The following CXCL12 variants were observed in gnomAD, a reference collection of about 807,000 sequenced individuals.
The protein encoded by CXCL12 is stromal cell-derived factor 1.
CXCL12 carries 4 observed loss-of-function variants against 10.7 expected under a neutral mutation model. The observed-to-expected ratio is 0.37, with a 90% CI of 0.18 to 0.86. The LOEUF is 0.86. Ranked by LOEUF, CXCL12 falls within the 40% of genes least tolerant of loss-of-function variation. The probability of loss-of-function intolerance (pLI) is 0.43; values close to 1 mark genes in which losing one functional copy is unlikely to be tolerated. For synonymous variants in CXCL12, 54 were observed against 45.4 expected, an observed-to-expected ratio of 1.19 and a Z score of -0.77; for missense variants, 122 against 110.4, an observed-to-expected ratio of 1.10 and a Z score of -0.47.
chr10:44,381,325 C>T (rs1310616906), intron 1 of CXCL12, among the ~76,000 whole-genome samples: 1 of 152,238 alleles, frequency 6.6e-6, no homozygotes, highest in Non-Finnish European at 1.5e-5. Flanking sequence ...GCTCCCTGGC[C>T]TCTCTCCTCT....
chr10:44,384,556 T>G (rs1564465133), intron 1 of CXCL12, among the ~76,000 whole-genome samples: 1 of 152,160 alleles, frequency 6.6e-6, no homozygotes, highest in Non-Finnish European at 1.5e-5. Flanking sequence ...CGGAGCCCAT[T>G]CGCCTGTGGA....
At chr10:44,371,752 CTT>C (rs1304030442), downstream of CXCL12, 1 of 152,280 alleles carries the variant, frequency 6.6e-6, no homozygotes, top group East Asian at 1.9e-4. Context: ...CTTGCTTTGA[CTT>C]CCTTGTTTTC....
At chr10:44,378,771 G>A (rs767391179) in intron 2 of CXCL12, 48 bp from the exon 3 acceptor site, 41 of 1,595,012 alleles carry the variant, frequency 2.6e-5, no homozygotes, top group Admixed American at 5.0e-5. Context: ...GGAGGAAGGC[G>A]CGGCTGCAAC....
chr10:44,378,394 C>A lies in CXCL12; in HGVS notation c.*239G>T. The A allele has an allele frequency of 6.5e-7, 1 of 1,545,924 alleles. No homozygotes were observed. Among genetic ancestry groups the A allele is most frequent in the Non-Finnish European group, 8.7e-7 (1 of 1,147,262 alleles). ...AAAACCCCAGTAATAAAAGTTCCAA[C>A]GTGCACAGGTACAGGGCATGGATGA... On this transcript the variant is annotated 3_prime_UTR_variant, in exon 3 of 3. Coordinates refer to ENST00000343575, the MANE Select transcript of CXCL12 (RefSeq NM_199168.4).
downstream of CXCL12, chr10:44,372,895 T>A: frequency 6.5e-7 from 1 of 1,535,622 alleles, no homozygotes. Flanking sequence ...TCACTAGGCT[T>A]TGCCCAGGTT....
chr10:44,373,967 G>T (rs1424592746), downstream of CXCL12, among the ~76,000 whole-genome samples: 8 of 152,162 alleles, frequency 5.3e-5, no homozygotes, highest in Admixed American at 5.2e-4. Context: ...AGGAATCCCG[G>T]TCAGGCTCTT....
rs891514313 is a variant in CXCL12 at position 44,378,092 on chromosome 10, T to C, written c.*541A>G. 1.9e-5 allele frequency: 28 copies of C among 1,450,626 alleles called. No individual in the cohort carries two copies. The African/African-American group carries it at 3.4e-4, about 18-fold the overall frequency. 89.9% of individuals were successfully genotyped at this position (1,450,626 alleles called of 1,614,324 possible). A position where few individuals can be genotyped will look rare whatever the true frequency, so the allele number is the denominator to read the frequency against. On this transcript the variant is annotated 3_prime_UTR_variant, in exon 3 of 3. Transcript: ENST00000343575. ...AGTGGCGGCGCCCAGCCCCAGTCGG[T>C]ATCTGAGTGCCACAGAGGCCTTCCT... is the stretch of plus-strand genomic sequence containing the variant.
chr10:44,372,649 A>G, downstream of CXCL12: 2 of 1,368,674 alleles, frequency 1.5e-6, no homozygotes, highest in Non-Finnish European at 1.9e-6. Flanking sequence ...CCATGGAGAC[A>G]GTCGTGGACA....
downstream of CXCL12, chr10:44,371,915 C>T (rs2132035112): frequency 6.6e-6 from 1 of 152,418 alleles, no homozygotes; most frequent in East Asian, 1.9e-4. Context: ...GCTCTATCGA[C>T]TGCCCTCAGT....
At chr10:44,381,392 C>T (rs1238088614) in intron 1 of CXCL12, among the ~76,000 whole-genome samples, 1 of 152,130 alleles carries the variant, frequency 6.6e-6, no homozygotes, top group Non-Finnish European at 1.5e-5. Context: ...CCCTCCCCCA[C>T]CCCAGAGACC....
Position 44,378,362 on chromosome 10 carries a change from T to C in CXCL12, c.*271A>G. 1 of 1,517,816 alleles carries C rather than the reference T, an allele frequency of 6.6e-7. No homozygotes were observed. Among genetic ancestry groups the C allele is most frequent in the Non-Finnish European group, 8.9e-7 (1 of 1,129,202 alleles). 94.0% of individuals were successfully genotyped at this position (1,517,816 alleles called of 1,614,324 possible). ...AATGCTGTTGATAATACAATTTCTTTCTTAGAAAAACCCCAGTAATAAAAG... is the reference window on the plus strand; with the variant it reads ...AATGCTGTTGATAATACAATTTCTTCCTTAGAAAAACCCCAGTAATAAAAG... On this transcript the variant is annotated 3_prime_UTR_variant, in exon 3 of 3. Coordinates refer to ENST00000343575, the MANE Select transcript of CXCL12 (RefSeq NM_199168.4).
At chr10:44,374,700 A>T (rs1490298749), downstream of CXCL12, 1 of 455,852 alleles carries the variant, frequency 2.2e-6, no homozygotes, top group Non-Finnish European at 4.4e-6. Context: ...TCTGACATGC[A>T]GGGGTCTTTG....
chr10:44,377,556 G>C lies in CXCL12; in HGVS notation c.*1077C>G. Reference sequence around the variant, plus strand: ...CCTGCTGTGGCTTCAGGAGGGGGTAGTGGCAAGATGATGGTTTATTCACTG... The same window carrying C: ...CCTGCTGTGGCTTCAGGAGGGGGTACTGGCAAGATGATGGTTTATTCACTG... On this transcript the variant is annotated 3_prime_UTR_variant, in exon 3 of 3. Coordinates refer to ENST00000343575, the MANE Select transcript of CXCL12 (RefSeq NM_199168.4). The C allele has an allele frequency of 2.1e-6, 3 of 1,452,420 alleles. No individual in the cohort carries two copies. In the South Asian group the frequency reaches 4.3e-5, roughly 21 times the overall value. 90.0% of individuals were successfully genotyped at this position (1,452,420 alleles called of 1,614,324 possible).
chr10:44,378,818 T>G, intron 2 of CXCL12, 95 bp from the exon 3 acceptor site: 18 of 1,238,104 alleles, frequency 1.5e-5, no homozygotes, highest in Non-Finnish European at 1.8e-5. Context: ...TCTAGGGCCC[T>G]CGCTGGCACC....
At chr10:44,373,120 G>A, downstream of CXCL12, 1 of 1,534,454 alleles carries the variant, frequency 6.5e-7, no homozygotes, top group Non-Finnish European at 8.7e-7. Flanking sequence ...TGTCGCCAGT[G>A]ACACTGAATA....
At chr10:44,380,991 T>C in intron 1 of CXCL12, 111 bp from the exon 2 acceptor site, 2 of 870,574 alleles carry the variant, frequency 2.3e-6, no homozygotes, top group Non-Finnish European at 2.0e-6. Context: ...ACGGCATCAC[T>C]GGGGTAAGTT....
downstream of CXCL12, chr10:44,376,054 C>A: frequency 2.5e-6 from 4 of 1,607,290 alleles, no homozygotes; most frequent in Non-Finnish European, 3.4e-6. Flanking sequence ...TTAGTAGAAC[C>A]ATTAATAATG....
downstream of CXCL12, chr10:44,375,904 A>G: frequency 6.2e-7 from 1 of 1,608,996 alleles, no homozygotes. Context: ...CGCCGAGAGC[A>G]AGTGAACTGT....
chr10:44,384,932 C>G lies in CXCL12; in HGVS notation c.61+13G>C. On this transcript the variant is annotated intron_variant, in intron 1 of 2. Transcript: ENST00000343575. ...CAGAGCCTCGCCAGGGCCTCCCCGC[C>G]GAGCGCACTTACCGTCGCTGAGGCA... is the stretch of plus-strand genomic sequence containing the variant. 7 of 1,517,188 alleles carry G rather than the reference C, an allele frequency of 4.6e-6. No homozygotes were observed. Among genetic ancestry groups the G allele is most frequent in the Non-Finnish European group, 6.2e-6 (7 of 1,136,496 alleles). 94.0% of individuals were successfully genotyped at this position (1,517,188 alleles called of 1,614,324 possible).
Sources: gnomAD v4.1 joint callset for allele counts (sites outside exome capture counted in the v4.1 genomes callset) on GRCh38, gnomAD v4.1.1 for gene constraint, MANE v1.5 for transcripts, NCBI Gene and HGNC (gene_info 2026-07-23, HGNC 2026-07-21) for gene names.